The following PNN variants were observed in gnomAD, a reference collection of about 807,000 sequenced individuals.
The protein encoded by PNN is pinin, desmosome associated protein, also known as pinin.
PNN carries 38 observed loss-of-function variants against 76.6 expected under a neutral mutation model. The observed-to-expected ratio is 0.50, with a 90% CI of 0.38 to 0.65. PNN has a LOEUF of 0.65. Ranked by LOEUF, PNN falls within the 30% of genes least tolerant of loss-of-function variation. PNN has a pLI of 0.00. For synonymous variants in PNN, 366 were observed against 283.7 expected (o/e 1.29, Z -2.91); for missense variants, 873 against 874.1 (o/e 1.00, Z 0.02).
rs191537462 is a variant in PNN, at chr14:39,175,870, A to G, written c.114-208A>G. On this transcript the variant is annotated intron_variant, in intron 1 of 8. Transcript: ENST00000216832. ...AATGTGTGGGGGCATCGAGGTGAAT[A>G]TAATTTCTGTGACACAGGTCCTGGA... 5.4e-6 allele frequency: 3 copies of G among 551,398 alleles called. No homozygotes were observed. In the Admixed American group the frequency reaches 1.1e-4, roughly 20 times the overall value. 34.2% of individuals were successfully genotyped at this position (551,398 alleles called of 1,614,324 possible). A position where few individuals can be genotyped will look rare whatever the true frequency, so the allele number is the denominator to read the frequency against.
chr14:39,179,763 A>C (rs1261573503), intron 8 of PNN, among the ~76,000 whole-genome samples: 2 of 152,088 alleles, frequency 1.3e-5, no homozygotes, highest in Non-Finnish European at 2.9e-5. Flanking sequence ...TTAGCTGGGC[A>C]TGGTGGTGGG....
chr14:39,179,539 A>G (rs1007020977), intron 8 of PNN, 77 bp downstream of exon 8: 10 of 1,211,538 alleles, frequency 8.3e-6, no homozygotes, highest in Non-Finnish European at 1.2e-5. Flanking sequence ...TTTGTTTTCT[A>G]AAATAATTAT....
In PNN at chr14:39,181,546, A is replaced by G. The variant is rs375644902; in HGVS notation, c.1837A>G (p.Thr613Ala). 29 of 1,608,648 alleles carry G rather than the reference A, an allele frequency of 1.8e-5. No individual in the cohort carries two copies. The highest frequency in any genetic ancestry group is 2.4e-5 in the Non-Finnish European group (28 of 1,177,312). The change falls in exon 9 of 9, where the codon ACA becomes GCA. Residue 613 changes from threonine to alanine, a missense_variant. Physicochemically the swap from Thr to Ala is moderately conservative, Grantham distance 58 (BLOSUM62 0). This residue lies in a region of PNN where 712 missense variants were observed against 693.1 expected (regional missense o/e 1.03). Coordinates refer to ENST00000216832, the MANE Select transcript of PNN (RefSeq NM_002687.4). ...CAGTAGTTCCAGTAGCAGCTCCAGT[A>G]CAAGTGGCAGCAGCAGCAGAGATAG... ...SRSSSSSSSS[T>A]SGSSSRDSSS... is the part of the protein sequence containing the mutation.
In PNN at chr14:39,181,362, G is replaced by C; in HGVS notation, c.1653G>C (p.Glu551Asp). 6.2e-7 allele frequency: 1 copy of C among 1,614,216 alleles called. No homozygotes were observed. ...AGCCAGTCTTGACAGTACATCCAGA[G>C]AGCAAGAGCAAAACCAAAACTAGGA... Reference protein sequence around the residue: ...PVEPVLTVHPESKSKTKTRSR... With the variant: ...PVEPVLTVHPDSKSKTKTRSR... The change falls in exon 9 of 9, where the codon GAG (glutamate) becomes GAC (aspartate). Residue 551 changes from glutamate to aspartate, a missense_variant. Glu to Asp is a conservative substitution (Grantham distance 45, BLOSUM62 2). Transcript: ENST00000216832.
In PNN at chr14:39,181,364, G is replaced by C; in HGVS notation, c.1655G>C (p.Ser552Thr). Reference sequence around the variant, plus strand: ...CCAGTCTTGACAGTACATCCAGAGAGCAAGAGCAAAACCAAAACTAGGAGC... The same window carrying C: ...CCAGTCTTGACAGTACATCCAGAGACCAAGAGCAAAACCAAAACTAGGAGC... The part of the protein sequence containing the change: ...VEPVLTVHPE[S>T]KSKTKTRSRS... The change falls in exon 9 of 9, where the codon AGC becomes ACC. Residue 552 changes from serine to threonine, a missense_variant. Coordinates refer to ENST00000216832, the MANE Select transcript of PNN (RefSeq NM_002687.4). 6.2e-7 allele frequency: 1 copy of C among 1,614,226 alleles called. No homozygotes were observed.
rs375209050 is a variant in PNN, at chr14:39,175,381, G to T, written c.102G>T (p.Pro34=). Residue 34 remains proline (P), a synonymous_variant, in exon 1 of 9, where the codon CCG becomes CCT. Coordinates refer to ENST00000216832, the MANE Select transcript of PNN (RefSeq NM_002687.4). ...TTCGCAAGCTCACCGGGCGGGATCC[G>T]AATGACGTGAGGTAAGGGCCTAACG... is the stretch of plus-strand genomic sequence containing the variant. ...ENIRKLTGRD[P]NDVRPIQARL... The T allele has an allele frequency of 6.2e-7, 1 of 1,604,130 alleles. No individual in the cohort carries two copies. Among genetic ancestry groups the T allele is most frequent in the Middle Eastern group, 1.8e-4 (1 of 5,708 alleles).
chr14:39,177,546 C>T, intron 4 of PNN, 47 bp from the exon 5 acceptor site: 2 of 1,589,092 alleles, frequency 1.3e-6, no homozygotes, highest in Non-Finnish European at 1.7e-6. Context: ...TTTAAAAGCA[C>T]ACCACTCATA....
At position 39,181,743 on chromosome 14, in the gene PNN, A is replaced by C; in HGVS notation, c.2034A>C (p.Ser678=). 1 of 1,614,174 alleles carries C rather than the reference A, an allele frequency of 6.2e-7. No individual in the cohort carries two copies. Among genetic ancestry groups the C allele is most frequent in the Non-Finnish European group, 8.5e-7 (1 of 1,180,018 alleles). The change falls in exon 9 of 9, where the codon TCA becomes TCC. Residue 678 remains serine, a synonymous_variant. Coordinates refer to ENST00000216832, the MANE Select transcript of PNN (RefSeq NM_002687.4). ...GTAGTAGTAGAGATACAAAAGGATC[A>C]AAGGATAAGAATTCCCGGTCCGACA... ...KGGSSRDTKG[S]KDKNSRSDRK...
At chr14:39,180,101 T>C (rs1243888534) in intron 8 of PNN, among the ~76,000 whole-genome samples, 2 of 152,200 alleles carry the variant, frequency 1.3e-5, no homozygotes, top group African/African-American at 2.4e-5. Context: ...GAAAACCAAC[T>C]CAGTTTCTAG....
At chr14:39,180,376 C>G in intron 8 of PNN, 127 bp from the exon 9 acceptor site, 1 of 991,316 alleles carries the variant, frequency 1.0e-6, no homozygotes, top group African/African-American at 1.6e-5. Flanking sequence ...TTGCCATAAT[C>G]TTTTGTCATA....
rs1490167325 is a variant in PNN, at chr14:39,181,111, C to T, written c.1402C>T (p.Pro468Ser). The T allele has an allele frequency of 5.6e-6, 9 of 1,613,170 alleles. No homozygotes were observed. The highest frequency in any genetic ancestry group is 2.2e-5 in the South Asian group (2 of 91,030). The change falls in exon 9 of 9, where the codon CCC becomes TCC. Residue 468 changes from proline to serine, a missense_variant. Coordinates refer to ENST00000216832, the MANE Select transcript of PNN (RefSeq NM_002687.4). ...SEEKEEKESE[P>S]QPEPVAQPQP... ...GGAAAAAGAAGAAAAAGAATCTGAG[C>T]CCCAACCTGAGCCTGTGGCTCAACC...
In PNN at chr14:39,181,969, T is replaced by G. The variant is rs777174032; in HGVS notation, c.*106T>G. ...GGATGCTGCCTTAAGAATTGCATGT[T>G]GTAAAAAATCTTTTTGGAAAATACA... On this transcript the variant is annotated 3_prime_UTR_variant, in exon 9 of 9. Coordinates refer to ENST00000216832, the MANE Select transcript of PNN (RefSeq NM_002687.4). The G allele has an allele frequency of 2.5e-6, 3 of 1,182,276 alleles. No individual in the cohort carries two copies. Among genetic ancestry groups the G allele is most frequent in the Admixed American group, 2.7e-5 (1 of 36,486 alleles). The allele number at this position is 1,182,276 out of a possible 1,614,324, so 73.2% of individuals were successfully genotyped here. A position where few individuals can be genotyped will look rare whatever the true frequency, so the allele number is the denominator to read the frequency against.
At chr14:39,177,512 A>G (rs2053237026) in intron 4 of PNN, 28 bp downstream of exon 4, 2 of 1,598,702 alleles carry the variant, frequency 1.3e-6, no homozygotes, top group African/African-American at 1.3e-5. Flanking sequence ...ACTTAAATGA[A>G]TGTAGTACCT....
rs142877085 is a variant in PNN, at chr14:39,181,656, C to T, written c.1947C>T (p.Ser649=). ...ATAGAGATAGAAAGCACAGAAGGAGCGTGGATCGGAAGAGAAGGGATACTT... is the reference window on the plus strand; with the variant it reads ...ATAGAGATAGAAAGCACAGAAGGAGTGTGGATCGGAAGAGAAGGGATACTT... ...GHNRDRKHRR[S]VDRKRRDTSG... is the part of the protein sequence containing the mutation. The change falls in exon 9 of 9, where the codon AGC becomes AGT. Residue 649 remains serine, a synonymous_variant. Coordinates refer to ENST00000216832, the MANE Select transcript of PNN (RefSeq NM_002687.4). 163 of 1,613,842 alleles carry T rather than the reference C, an allele frequency of 1.0e-4. No homozygotes were observed. Among genetic ancestry groups the T allele is most frequent in the Non-Finnish European group, 1.3e-4 (156 of 1,179,904 alleles).
intron 6 of PNN, 177 bp from the exon 7 acceptor site, chr14:39,178,914 T>C (rs2053250152): frequency 1.8e-6 from 1 of 568,004 alleles, no homozygotes; most frequent in Admixed American, 3.5e-5. Context: ...AATTTTTTTG[T>C]GTTTTTAGTA....
rs577413396 is a variant in PNN at position 39,181,569 on chromosome 14, T to G, written c.1860T>G (p.Asp620Glu). ...SSSTSGSSSR[D>E]SSSSTSSSSE... ...GTACAAGTGGCAGCAGCAGCAGAGA[T>G]AGTAGCAGTAGCACTAGTAGTAGTA... Residue 620 changes from aspartate (D) to glutamate (E), a missense_variant, in exon 9 of 9, where the codon GAT becomes GAG. Physicochemically the swap from Asp to Glu is conservative, Grantham distance 45 (BLOSUM62 2). This residue lies in a region of PNN where 712 missense variants were observed against 693.1 expected (regional missense o/e 1.03). Transcript: ENST00000216832. The G allele has an allele frequency of 6.2e-7, 1 of 1,612,740 alleles. No individual in the cohort carries two copies. Among genetic ancestry groups the G allele is most frequent in the Non-Finnish European group, 8.5e-7 (1 of 1,179,338 alleles).
At position 39,181,062 on chromosome 14, in the gene PNN, T is replaced by C. The variant is rs2053265695; in HGVS notation, c.1353T>C (p.Ala451=). ...TLSPGKENVS[A]LDMEKESEEK... ...CTCCTGGGAAAGAGAATGTCAGTGCTTTAGACATGGAAAAGGAGTCTGAGG... is the reference window on the plus strand; with the variant it reads ...CTCCTGGGAAAGAGAATGTCAGTGCCTTAGACATGGAAAAGGAGTCTGAGG... Residue 451 remains alanine, a synonymous_variant, in exon 9 of 9, where the codon GCT becomes GCC. Transcript: ENST00000216832. 3 of 1,613,730 alleles carry C rather than the reference T, an allele frequency of 1.9e-6. No individual in the cohort carries two copies. The highest frequency in any genetic ancestry group is 1.7e-5 in the Admixed American group (1 of 59,960).
At chr14:39,175,418 C>T (rs777287890) in intron 1 of PNN, 26 bp downstream of exon 1, 3 of 1,382,072 alleles carry the variant, frequency 2.2e-6, no homozygotes, top group Admixed American at 3.4e-5. Flanking sequence ...GAACTCGGAA[C>T]TCGGAGCTCG....
chr14:39,178,952 AGAT>A (rs1255352213), intron 6 of PNN, 136 bp from the exon 7 acceptor site: 41 of 753,874 alleles, frequency 5.4e-5, no homozygotes, highest in Non-Finnish European at 5.4e-5. Context: ...TTCTGACTTC[AGAT>A]GATCTACCTG....
Sources: allele counts gnomAD v4.1 joint callset (sites outside exome capture counted in the v4.1 genomes callset), GRCh38; gene constraint gnomAD v4.1.1; regional missense constraint gnomAD v4.1.1; transcripts MANE v1.5; gene names NCBI Gene and HGNC (gene_info 2026-07-23, HGNC 2026-07-21).